Variants in MATN3 observed in about 807,000 individuals in gnomAD.
MATN3 encodes the protein matrilin 3.
A neutral mutation model predicts 45.3 loss-of-function variants in MATN3; 48 were observed. The ratio of observed to expected loss-of-function variants is 1.06; its 90% CI spans 0.84 to 1.35. The LOEUF (loss-of-function observed/expected upper bound fraction) is 1.35, where lower values mean the gene tolerates loss of function less well. MATN3 is among the 40% of genes most tolerant of loss of function. The probability of loss-of-function intolerance (pLI) is 0.00; values close to 1 mark genes in which losing one functional copy is unlikely to be tolerated. For missense variants in MATN3, 599 were observed against 628.0 expected (o/e 0.95, Z 0.49); for synonymous variants, 217 against 245.9 (o/e 0.88, Z 1.10).
chr2:20,000,224 C>A (rs1417253808), intron 5 of MATN3, among the ~76,000 whole-genome samples: 2 of 152,154 alleles, frequency 1.3e-5, no homozygotes, highest in Admixed American at 1.3e-4. Flanking sequence ...CTCATATCCC[C>A]CACTCCCTAC....
chr2:19,997,206 C>G lies in MATN3; in HGVS notation c.1222G>C (p.Asp408His). The G allele has an allele frequency of 1.9e-6, 3 of 1,613,842 alleles. No homozygotes were observed. Among genetic ancestry groups the G allele is most frequent in the Non-Finnish European group, 2.5e-6 (3 of 1,179,788 alleles). Residue 408 changes from aspartate (D) to histidine (H), a missense_variant, in exon 6 of 8, where the codon GAT (aspartate) becomes CAT (histidine). Asp to His is a moderately conservative substitution (Grantham distance 81). Coordinates refer to ENST00000407540, the MANE Select transcript of MATN3 (RefSeq NM_002381.5). Reference sequence around the variant, plus strand: ...TCACAGTGGTAGGATGCGGCCCCATCACTCACACAAATGTGCTGGCAACCA... The same window carrying G: ...TCACAGTGGTAGGATGCGGCCCCATGACTCACACAAATGTGCTGGCAACCA... ...SHGCQHICVSDGAASYHCDCY... is the reference protein window; with the variant it reads ...SHGCQHICVSHGAASYHCDCY...
At chr2:20,005,213 C>G (rs1268588885) in intron 2 of MATN3, among the ~76,000 whole-genome samples, 1 of 152,154 alleles carries the variant, frequency 6.6e-6, no homozygotes, top group Non-Finnish European at 1.5e-5. Context: ...GTCTGAAAAC[C>G]AGAGCATTCA....
At position 20,010,066 on chromosome 2, in the gene MATN3, C is replaced by CAAAAAAAAAAAAAAAAAAAAAAAAAAAAA. The variant is rs1558376342; in HGVS notation, c.223+2342_223+2343insTTTTTTTTTTTTTTTTTTTTTTTTTTTTT. Reference sequence around the variant, plus strand: ...GTCTCAGAATAAATCTCTTCAAATACTAAAAAAAAAAAAAAAAAAAAAAAC... The same window carrying CAAAAAAAAAAAAAAAAAAAAAAAAAAAAA: ...GTCTCAGAATAAATCTCTTCAAATACAAAAAAAAAAAAAAAAAAAAAAAAAAAAATAAAAAAAAAAAAAAAAAAAAAAAC... On this transcript the variant is annotated intron_variant, in intron 1 of 7. Transcript: ENST00000407540. Among the ~76,000 whole-genome samples the CAAAAAAAAAAAAAAAAAAAAAAAAAAAAA allele has an allele frequency of 3.6e-3, 20 of 5,548 alleles. 1 individual carries two copies. The highest frequency in any genetic ancestry group is 4.5e-3 in the Non-Finnish European group (18 of 4,030). 3.6% of individuals were successfully genotyped at this position (5,548 alleles called of 152,430 possible).
intron 4 of MATN3, among the ~76,000 whole-genome samples, chr2:20,001,496 A>G (rs1351813955): frequency 6.6e-6 from 1 of 152,210 alleles, no homozygotes; most frequent in Non-Finnish European, 1.5e-5. Flanking sequence ...TAGCAAGAAT[A>G]CTACAGGTGT....
intron 1 of MATN3, among the ~76,000 whole-genome samples, chr2:20,008,911 G>A (rs1446876149): frequency 2.6e-5 from 4 of 152,160 alleles, no homozygotes; most frequent in Middle Eastern, 3.4e-3. Context: ...TATGCTGTAT[G>A]TCATGCATTT....
At chr2:20,007,974 T>C (rs961995098) in intron 1 of MATN3, among the ~76,000 whole-genome samples, 1 of 152,156 alleles carries the variant, frequency 6.6e-6, no homozygotes, top group Non-Finnish European at 1.5e-5. Context: ...TTCTTTTTCT[T>C]TTTTTTGAGA....
intron 2 of MATN3, among the ~76,000 whole-genome samples, chr2:20,003,815 A>G (rs564157392): frequency 6.6e-6 from 1 of 152,348 alleles, no homozygotes; most frequent in South Asian, 2.1e-4. Context: ...GAACATGCAA[A>G]TGGTAGAGGA....
chr2:20,010,225 T>C (rs1194310170), intron 1 of MATN3, among the ~76,000 whole-genome samples: 1 of 152,052 alleles, frequency 6.6e-6, no homozygotes, highest in Non-Finnish European at 1.5e-5. Context: ...GGGGGTAACA[T>C]GAAGATATGA....
chr2:20,012,217 T>A lies in MATN3; in HGVS notation c.223+192A>T, dbSNP rs1186939160. Among the ~76,000 whole-genome samples, 2 of 152,186 alleles carry A rather than the reference T, an allele frequency of 1.3e-5. No homozygotes were observed. The highest frequency in any genetic ancestry group is 2.4e-5 in the African/African-American group (1 of 41,450). ...CTTCAGGAGACCCACATCTCTAGCCTGGACACATGAGTGATATTGGGCATC... is the reference window on the plus strand; with the variant it reads ...CTTCAGGAGACCCACATCTCTAGCCAGGACACATGAGTGATATTGGGCATC... On this transcript the variant is annotated intron_variant, in intron 1 of 7. Transcript: ENST00000407540. The surrounding 1 kb of genome is among the most constrained non-coding windows in gnomAD (Gnocchi z 4.3).
chr2:20,009,595 A>G (rs1673178126), intron 1 of MATN3, among the ~76,000 whole-genome samples: 1 of 152,194 alleles, frequency 6.6e-6, no homozygotes. Context: ...ATGTATCCCT[A>G]TGTAACAAAC....
intron 1 of MATN3, among the ~76,000 whole-genome samples, chr2:20,007,300 G>A (rs1186191739): frequency 2.6e-5 from 4 of 152,102 alleles, no homozygotes; most frequent in Non-Finnish European, 4.4e-5. Context: ...AGGCCGAGGC[G>A]GGAGGATCAC....
Position 20,012,127 on chromosome 2 carries a change from T to C in MATN3, c.223+282A>G, listed in dbSNP as rs924605985. On this transcript the variant is annotated intron_variant, in intron 1 of 7. Transcript: ENST00000407540. This position sits in a 1 kb window ranked among gnomAD's most constrained non-coding sequence, Gnocchi z 4.3. The stretch of plus-strand genomic sequence containing the variant: ...TGGGACGGAGCTTAGCAGCAGCCGC[T>C]GGGCAGCAGCCCCTGCGCTCCCCAG... Among the ~76,000 whole-genome samples the C allele has an allele frequency of 1.3e-5, 2 of 152,178 alleles. No homozygotes were observed. The highest frequency in any genetic ancestry group is 2.9e-5 in the Non-Finnish European group (2 of 68,016).
In MATN3 at chr2:19,997,256, C is replaced by T. The variant is rs200780340; in HGVS notation, c.1172G>A (p.Arg391His). 1.1e-4 allele frequency: 172 copies of T among 1,605,716 alleles called. 1 individual carries two copies. The highest frequency in any genetic ancestry group is 1.7e-4 in the Middle Eastern group (1 of 6,058). ...LNADKKTCSV[R>H]DKCALGSHGC... is the part of the protein sequence containing the mutation. The stretch of plus-strand genomic sequence containing the variant: ...ATGAGAGCCTAGGGCACACTTGTCA[C>T]GGACTGACCGCACGTGGTGCAGGAA... The change falls in exon 6 of 8, where the codon CGT becomes CAT. Residue 391 changes from arginine (R) to histidine (H), a missense_variant. By Grantham distance (29) the Arg-to-His change is conservative. Coordinates refer to ENST00000407540, the MANE Select transcript of MATN3 (RefSeq NM_002381.5).
At position 19,997,427 on chromosome 2, in the gene MATN3, C is replaced by T. The variant is rs981543323; in HGVS notation, c.1169-168G>A. 11 of 590,774 alleles carry T rather than the reference C, an allele frequency of 1.9e-5. No individual in the cohort carries two copies. The African/African-American group carries it at 2.1e-4, about 11-fold the overall frequency. 36.6% of individuals were successfully genotyped at this position (590,774 alleles called of 1,614,324 possible). A position where few individuals can be genotyped will look rare whatever the true frequency, so the allele number is the denominator to read the frequency against. Reference sequence around the variant, plus strand: ...GCAGGAGCAAGCCTGTTTTCTCTTCCCATACCTCTCATCCCTTTGGCCTCA... The same window carrying T: ...GCAGGAGCAAGCCTGTTTTCTCTTCTCATACCTCTCATCCCTTTGGCCTCA... On this transcript the variant is annotated intron_variant, in intron 5 of 7. Transcript: ENST00000407540.
intron 2 of MATN3, among the ~76,000 whole-genome samples, chr2:20,003,809 A>G (rs1408413945): frequency 6.6e-6 from 1 of 152,364 alleles, no homozygotes; most frequent in East Asian, 1.9e-4. Flanking sequence ...ATATTTGAAC[A>G]TGCAAATGGT....
chr2:19,996,360 T>A (rs961281015), intron 6 of MATN3, among the ~76,000 whole-genome samples: 6 of 151,854 alleles, frequency 4.0e-5, no homozygotes, highest in African/African-American at 1.5e-4. Flanking sequence ...AAAATTAAAT[T>A]AAATTAAAGA....
chr2:20,002,172 A>ACG (rs1672998417), intron 3 of MATN3, 92 bp from the exon 4 acceptor site: 1 of 860,036 alleles, frequency 1.2e-6, no homozygotes, highest in Non-Finnish European at 1.8e-6. Context: ...ACACACACAC[A>ACG]CACACACACA....
chr2:19,995,042 A>C lies in MATN3; in HGVS notation c.1295-633T>G, dbSNP rs1194478592. ...GAGTTCAAGGCTGCAGTGAGCCATG[A>C]TCACACCACTGCACTCCAGCCTGGG... On this transcript the variant is annotated intron_variant, in intron 6 of 7. Transcript: ENST00000407540. This position sits in a 1 kb window ranked among gnomAD's most constrained non-coding sequence, Gnocchi z 4.2. Among the ~76,000 whole-genome samples the C allele has an allele frequency of 6.6e-6, 1 of 152,140 alleles. No individual in the cohort carries two copies. Among genetic ancestry groups the C allele is most frequent in the Non-Finnish European group, 1.5e-5 (1 of 68,016 alleles).
Position 20,000,503 on chromosome 2 carries a change from C to T in MATN3, c.1106G>A (p.Gly369Glu), listed in dbSNP as rs769592683. 2 of 1,612,266 alleles carry T rather than the reference C, an allele frequency of 1.2e-6. No homozygotes were observed. The highest frequency in any genetic ancestry group is 1.7e-6 in the Non-Finnish European group (2 of 1,178,980). ...CQHICVNDRT[G>E]SHHCECYEGY... The stretch of plus-strand genomic sequence containing the variant: ...CTCATAGCATTCACAATGATGGGAC[C>T]CTGTTCTGTCATTCACACAAATGTG... Residue 369 changes from glycine (G) to glutamate (E), a missense_variant, in exon 5 of 8, where the codon GGG (glycine) becomes GAG (glutamate). Transcript: ENST00000407540.
Sources: allele counts gnomAD v4.1 joint callset (sites outside exome capture counted in the v4.1 genomes callset), GRCh38; gene constraint gnomAD v4.1.1; non-coding constraint Gnocchi (gnomAD v3.1); transcripts MANE v1.5; gene names NCBI Gene and HGNC (gene_info 2026-07-23, HGNC 2026-07-21).